Variants in PTTG1IP2 observed in about 807,000 individuals in gnomAD.
PTTG1IP2 encodes PTTG1IP family member 2.
intron 1 of PTTG1IP2, among the ~76,000 whole-genome samples, chr7:90,472,316 ACACACC>A (rs1269241325): frequency 1.7e-3 from 168 of 99,108 alleles, no homozygotes; most frequent in African/African-American, 5.9e-3. Context: ...ACACACACAC[ACACACC>A]CCAAATAATC....
intron 6 of PTTG1IP2, among the ~76,000 whole-genome samples, chr7:90,503,295 T>G (rs1798082993): frequency 6.6e-6 from 1 of 152,228 alleles, no homozygotes; most frequent in Admixed American, 6.5e-5. Flanking sequence ...TGTGGCTGGT[T>G]TGATCTCCCA....
intron 6 of PTTG1IP2, among the ~76,000 whole-genome samples, chr7:90,501,124 A>G (rs1798056561): frequency 6.6e-6 from 1 of 152,214 alleles, no homozygotes; most frequent in South Asian, 2.1e-4. Flanking sequence ...ATTCAGGTTA[A>G]GCGAATTTTG....
chr7:90,501,243 C>A (rs1024496073), intron 6 of PTTG1IP2, among the ~76,000 whole-genome samples: 2 of 152,162 alleles, frequency 1.3e-5, no homozygotes, highest in African/African-American at 4.8e-5. Context: ...TGCAATACAG[C>A]AAATATCACA....
At chr7:90,476,285 TA>T (rs1433337931) in intron 1 of PTTG1IP2, among the ~76,000 whole-genome samples, 1 of 152,214 alleles carries the variant, frequency 6.6e-6, no homozygotes, top group Non-Finnish European at 1.5e-5. Context: ...ACTTTAATAG[TA>T]ATTAAAATTC....
intron 4 of PTTG1IP2, among the ~76,000 whole-genome samples, chr7:90,490,627 T>TA (rs1229734038): frequency 1.3e-5 from 2 of 152,114 alleles, no homozygotes; most frequent in Admixed American, 1.3e-4. Flanking sequence ...CATATACACA[T>TA]ACAAATCAGA....
chr7:90,498,879 T>C (rs1287611797), intron 6 of PTTG1IP2, among the ~76,000 whole-genome samples: 1 of 152,194 alleles, frequency 6.6e-6, no homozygotes, highest in Non-Finnish European at 1.5e-5. Context: ...TGAGACAGGG[T>C]CTCGCTCTGT....
chr7:90,482,355 G>T (rs1216185278), intron 2 of PTTG1IP2, among the ~76,000 whole-genome samples: 4 of 152,032 alleles, frequency 2.6e-5, no homozygotes, highest in East Asian at 1.9e-4. Context: ...ATTCCAATTT[G>T]TATGATAAAT....
intron 5 of PTTG1IP2, among the ~76,000 whole-genome samples, chr7:90,492,971 G>A (rs1206294163): frequency 6.6e-6 from 1 of 152,126 alleles, no homozygotes; most frequent in Non-Finnish European, 1.5e-5. Context: ...CAGTTCCTGG[G>A]CAGGCACTCC....
chr7:90,476,938 A>G (rs569336709), intron 1 of PTTG1IP2, among the ~76,000 whole-genome samples: 1 of 152,156 alleles, frequency 6.6e-6, no homozygotes, highest in East Asian at 1.9e-4. Flanking sequence ...CAATAAAAAA[A>G]TTTTGTTTTG....
intron 2 of PTTG1IP2, among the ~76,000 whole-genome samples, chr7:90,483,282 G>C (rs996748095): frequency 3.9e-5 from 6 of 152,144 alleles, no homozygotes; most frequent in Admixed American, 2.6e-4. Flanking sequence ...AAGACCATCT[G>C]ACAGGTTCAA....
intron 6 of PTTG1IP2, among the ~76,000 whole-genome samples, chr7:90,502,150 T>G (rs903993312): frequency 6.6e-6 from 1 of 152,208 alleles, no homozygotes; most frequent in Non-Finnish European, 1.5e-5. Flanking sequence ...AGGCTCCACT[T>G]CAAATTCTAA....
chr7:90,492,158 GTCTA>G (rs1386318420), intron 4 of PTTG1IP2, 77 bp from the exon 5 acceptor site: 1 of 152,020 alleles, frequency 6.6e-6, no homozygotes, highest in Non-Finnish European at 1.5e-5. Flanking sequence ...AAAAAAAGTA[GTCTA>G]TCTAATGAAA....
At chr7:90,496,103 G>A (rs1797987551) in intron 6 of PTTG1IP2, among the ~76,000 whole-genome samples, 1 of 152,154 alleles carries the variant, frequency 6.6e-6, no homozygotes, top group Admixed American at 6.5e-5. Context: ...AGGGATATTA[G>A]CCCGCAATTT....
intron 6 of PTTG1IP2, among the ~76,000 whole-genome samples, chr7:90,496,985 G>C (rs553328916): frequency 9.2e-5 from 14 of 152,052 alleles, no homozygotes; most frequent in Admixed American, 2.6e-4. Flanking sequence ...TCCATGTTTT[G>C]GTGAATTTTC....
At chr7:90,490,516 T>A (rs1797926856) in intron 4 of PTTG1IP2, among the ~76,000 whole-genome samples, 1 of 151,974 alleles carries the variant, frequency 6.6e-6, no homozygotes, top group Non-Finnish European at 1.5e-5. Context: ...AACTTTGTAT[T>A]TTTCTGGCTT....
At chr7:90,511,913 C>A (rs1372329393) in intron 6 of PTTG1IP2, among the ~76,000 whole-genome samples, 2 of 152,180 alleles carry the variant, frequency 1.3e-5, no homozygotes, top group Non-Finnish European at 2.9e-5. Flanking sequence ...TCACTGTGTT[C>A]CTTCCACTCA....
chr7:90,488,395 T>C (rs1797901091), intron 3 of PTTG1IP2, among the ~76,000 whole-genome samples: 1 of 152,016 alleles, frequency 6.6e-6, no homozygotes, highest in African/African-American at 2.4e-5. Context: ...ACATTGTGCT[T>C]ACTGAGATAA....
intron 6 of PTTG1IP2, among the ~76,000 whole-genome samples, chr7:90,508,397 T>A (rs1486768223): frequency 6.6e-6 from 1 of 152,120 alleles, no homozygotes; most frequent in Non-Finnish European, 1.5e-5. Context: ...AATGGAGGTA[T>A]CATGGTCTCC....
chr7:90,470,963 CA>C (rs5885726), intron 1 of PTTG1IP2, among the ~76,000 whole-genome samples: 60,596 of 108,390 alleles, frequency 0.56, 13,628 homozygotes, highest in East Asian at 0.7. Flanking sequence ...TGATGAAGAA[CA>C]AAAAAAAAAA....
Sources: allele counts gnomAD v4.1 joint callset (sites outside exome capture counted in the v4.1 genomes callset), GRCh38; gene constraint gnomAD v4.1.1; transcripts MANE v1.5; gene names NCBI Gene and HGNC (gene_info 2026-07-23, HGNC 2026-07-21).